Variants in WRNIP1 observed in about 807,000 individuals in gnomAD.
WRNIP1 encodes WRN helicase interacting protein 1, also known as ATPase WRNIP1.
WRNIP1 carries 41 observed loss-of-function variants against 56.1 expected under a neutral mutation model. The observed-to-expected ratio is 0.73, with a 90% CI of 0.57 to 0.95. The LOEUF is 0.95. Among genes scored for constraint, WRNIP1 ranks in the 40% least tolerant of loss-of-function variants. The probability of loss-of-function intolerance (pLI) is 0.00; values close to 1 mark genes in which losing one functional copy is unlikely to be tolerated. For synonymous variants in WRNIP1, 547 were observed against 398.1 expected (o/e 1.37, Z -4.45); for missense variants, 1,170 against 939.4 (o/e 1.25, Z -3.21).
chr6:2,765,489 C>T lies in WRNIP1; in HGVS notation c.-134C>T. ...CGTGAGGCATGAGCGGCGCCCTCCT[C>T]CGGCCCGCGAGCGTCCTGCTGGTTC... On this transcript the variant is annotated 5_prime_UTR_variant, in exon 1 of 7. Coordinates refer to ENST00000380773, the MANE Select transcript of WRNIP1 (RefSeq NM_020135.3). 6 of 1,168,174 alleles carry T rather than the reference C, an allele frequency of 5.1e-6. No homozygotes were observed. The highest frequency in any genetic ancestry group is 3.5e-5 in the East Asian group (1 of 28,284). The allele number at this position is 1,168,174 out of a possible 1,614,324, so 72.4% of individuals were successfully genotyped here. A position where few individuals can be genotyped will look rare whatever the true frequency, so the allele number is the denominator to read the frequency against.
chr6:2,773,205 G>C (rs1366527011), intron 3 of WRNIP1: 1 of 985,244 alleles, frequency 1.0e-6, no homozygotes, highest in Non-Finnish European at 1.2e-6. Flanking sequence ...ATTCCCTCCT[G>C]TAGTTATTAT....
chr6:2,769,516 A>G (rs1279669203), intron 2 of WRNIP1, among the ~76,000 whole-genome samples: 1 of 152,124 alleles, frequency 6.6e-6, no homozygotes, highest in East Asian at 1.9e-4. Flanking sequence ...TTTTTTTTGT[A>G]ACTTTTTAAT....
Position 2,766,175 on chromosome 6 carries a change from G to A in WRNIP1, c.553G>A (p.Asp185Asn). 6 of 1,346,536 alleles carry A rather than the reference G, an allele frequency of 4.5e-6. No individual in the cohort carries two copies. Among genetic ancestry groups the A allele is most frequent in the African/African-American group, 1.5e-5 (1 of 65,300 alleles). The allele number at this position is 1,346,536 out of a possible 1,614,324, so 83.4% of individuals were successfully genotyped here. Residue 185 changes from aspartate (D) to asparagine (N), a missense_variant, in exon 1 of 7, where the codon GAC becomes AAC. By Grantham distance (23) the Asp-to-Asn change is conservative. Transcript: ENST00000380773. Reference sequence around the variant, plus strand: ...GGACGCGGACGCGGACGGCGAGGACGACCCGGGGCACTGGGACGCGGACGC... The same window carrying A: ...GGACGCGGACGCGGACGGCGAGGACAACCCGGGGCACTGGGACGCGGACGC... ...DGDADADGEDDPGHWDADAAE... is the reference protein window; with the variant it reads ...DGDADADGEDNPGHWDADAAE...
chr6:2,776,065 A>G (rs1266645208), intron 3 of WRNIP1, among the ~76,000 whole-genome samples: 1 of 152,128 alleles, frequency 6.6e-6, no homozygotes, highest in East Asian at 1.9e-4. Context: ...GACTGGGAAC[A>G]CTCTTTCAAA....
Position 2,783,514 on chromosome 6 carries a change from C to A in WRNIP1, c.1595C>A (p.Pro532Gln). ...CGCATGCTCGAGGGAGGAGAGGACC[C>A]ACTCTACGTGGCACGGAGGCTTGTC... ...LARMLEGGED[P>Q]LYVARRLVRF... Residue 532 changes from proline to glutamine, a missense_variant, in exon 5 of 7, where the codon CCA becomes CAA. By Grantham distance (76) the Pro-to-Gln change is moderately conservative. Transcript: ENST00000380773. The A allele has an allele frequency of 6.2e-7, 1 of 1,613,856 alleles. No homozygotes were observed. The highest frequency in any genetic ancestry group is 8.5e-7 in the Non-Finnish European group (1 of 1,179,948).
intron 3 of WRNIP1, among the ~76,000 whole-genome samples, chr6:2,775,204 C>T (rs1422373905): frequency 6.6e-6 from 1 of 151,678 alleles, no homozygotes; most frequent in Admixed American, 6.6e-5. Flanking sequence ...ACCCACTGCT[C>T]GGTTTTTCTG....
chr6:2,776,690 C>A (rs1442279800), intron 3 of WRNIP1, among the ~76,000 whole-genome samples: 1 of 152,186 alleles, frequency 6.6e-6, no homozygotes, highest in African/African-American at 2.4e-5. Context: ...ATTAATAAGG[C>A]CTGCCTCCCT....
Position 2,779,354 on chromosome 6 carries a change from G to A in WRNIP1, c.1348G>A (p.Ala450Thr). 1 of 1,614,214 alleles carries A rather than the reference G, an allele frequency of 6.2e-7. No individual in the cohort carries two copies. Among genetic ancestry groups the A allele is most frequent in the Non-Finnish European group, 8.5e-7 (1 of 1,180,040 alleles). Reference protein sequence around the residue: ...ARAGLNGLQLAVLARLSSRKM... With the variant: ...ARAGLNGLQLTVLARLSSRKM... ...AGCTGGGTTGAACGGACTGCAGCTG[G>A]CGGTGCTGGCTAGGTTAAGCTCTAG... The change falls in exon 4 of 7, where the codon GCG (alanine) becomes ACG (threonine). Residue 450 changes from alanine to threonine, a missense_variant. Coordinates refer to ENST00000380773, the MANE Select transcript of WRNIP1 (RefSeq NM_020135.3).
Position 2,766,350 on chromosome 6 carries a change from G to T in WRNIP1, c.728G>T (p.Ser243Ile), listed in dbSNP as rs764139984. The T allele has an allele frequency of 6.2e-7, 1 of 1,610,388 alleles. No homozygotes were observed. Among genetic ancestry groups the T allele is most frequent in the Non-Finnish European group, 8.5e-7 (1 of 1,178,902 alleles). ...ACGCTGCAGGATTACTTCGGGCAGAGCAAGGCCGTGGGCCAGGATACCCTG... is the reference window on the plus strand; with the variant it reads ...ACGCTGCAGGATTACTTCGGGCAGATCAAGGCCGTGGGCCAGGATACCCTG... ...PDTLQDYFGQSKAVGQDTLLR... is the reference protein window; with the variant it reads ...PDTLQDYFGQIKAVGQDTLLR... Residue 243 changes from serine to isoleucine, a missense_variant, in exon 1 of 7, where the codon AGC becomes ATC. By Grantham distance (142) the Ser-to-Ile change is moderately radical. Coordinates refer to ENST00000380773, the MANE Select transcript of WRNIP1 (RefSeq NM_020135.3).
chr6:2,765,711 C>G lies in WRNIP1; in HGVS notation c.89C>G (p.Ala30Gly). The change falls in exon 1 of 7, where the codon GCG (alanine) becomes GGG (glycine). Residue 30 changes from alanine to glycine, a missense_variant. Physicochemically the swap from Ala to Gly is moderately conservative, Grantham distance 60. Coordinates refer to ENST00000380773, the MANE Select transcript of WRNIP1 (RefSeq NM_020135.3). Reference sequence around the variant, plus strand: ...GTGTGCCAGCAGATGATGCCCGCCGCGCACATCAACTCGCACCTGGACCGC... The same window carrying G: ...GTGTGCCAGCAGATGATGCCCGCCGGGCACATCAACTCGCACCTGGACCGC... ...CPVCQQMMPA[A>G]HINSHLDRCL... is the part of the protein sequence containing the mutation. 1 of 1,545,242 alleles carries G rather than the reference C, an allele frequency of 6.5e-7. No individual in the cohort carries two copies. The highest frequency in any genetic ancestry group is 8.7e-7 in the Non-Finnish European group (1 of 1,154,190).
At position 2,765,615 on chromosome 6, in the gene WRNIP1, C is replaced by T; in HGVS notation, c.-8C>T. On this transcript the variant is annotated 5_prime_UTR_variant, in exon 1 of 7. Coordinates refer to ENST00000380773, the MANE Select transcript of WRNIP1 (RefSeq NM_020135.3). ...CCGCGCCGGGCGCCGGGGAGGGCGGCGGCCGCCATGGAGGTGAGCGGGCCG... is the reference window on the plus strand; with the variant it reads ...CCGCGCCGGGCGCCGGGGAGGGCGGTGGCCGCCATGGAGGTGAGCGGGCCG... 2.0e-6 allele frequency: 3 copies of T among 1,511,918 alleles called. No individual in the cohort carries two copies. Among genetic ancestry groups the T allele is most frequent in the Non-Finnish European group, 2.6e-6 (3 of 1,138,440 alleles). The allele number at this position is 1,511,918 out of a possible 1,614,324, so 93.7% of individuals were successfully genotyped here.
intron 1 of WRNIP1, among the ~76,000 whole-genome samples, chr6:2,768,142 C>A (rs1039942937): frequency 6.6e-6 from 1 of 152,190 alleles, no homozygotes; most frequent in African/African-American, 2.4e-5. Context: ...CCCTTCATCT[C>A]CTACCAGAGT....
chr6:2,769,810 T>C (rs1341205180), intron 2 of WRNIP1, among the ~76,000 whole-genome samples: 1 of 152,228 alleles, frequency 6.6e-6, no homozygotes, highest in Non-Finnish European at 1.5e-5. Flanking sequence ...CAGCCTTTGG[T>C]AGAAGATGGT....
Position 2,785,125 on chromosome 6 carries a change from T to A in WRNIP1, c.1841T>A (p.Val614Glu). 1 of 1,614,190 alleles carries A rather than the reference T, an allele frequency of 6.2e-7. No homozygotes were observed. The highest frequency in any genetic ancestry group is 1.7e-4 in the Middle Eastern group (1 of 6,060). ...LRNHQGPLPP[V>E]PLHLRNAPTR... Reference sequence around the variant, plus strand: ...AACCACCAGGGGCCACTGCCCCCCGTGCCCCTGCACCTGAGGAACGCGCCC... The same window carrying A: ...AACCACCAGGGGCCACTGCCCCCCGAGCCCCTGCACCTGAGGAACGCGCCC... The change falls in exon 7 of 7, where the codon GTG (valine) becomes GAG (glutamate). Residue 614 changes from valine to glutamate, a missense_variant. Physicochemically the swap from Val to Glu is moderately radical, Grantham distance 121. Transcript: ENST00000380773.
Position 2,765,810 on chromosome 6 carries a change from G to A in WRNIP1, c.188G>A (p.Gly63Glu). ...GSHRAGERAK[G>E]PSPPGAKRRR... ...CACCGCGCCGGGGAGCGGGCCAAGG[G>A]GCCCTCGCCGCCCGGCGCCAAGAGG... The change falls in exon 1 of 7, where the codon GGG becomes GAG. Residue 63 changes from glycine (G) to glutamate (E), a missense_variant. Gly to Glu is a moderately conservative substitution (Grantham distance 98). Transcript: ENST00000380773. 2.9e-6 allele frequency: 4 copies of A among 1,358,082 alleles called. No individual in the cohort carries two copies. Among genetic ancestry groups the A allele is most frequent in the Non-Finnish European group, 3.8e-6 (4 of 1,060,780 alleles). 84.1% of individuals were successfully genotyped at this position (1,358,082 alleles called of 1,614,324 possible).
At position 2,770,440 on chromosome 6, in the gene WRNIP1, C is replaced by T. The variant is rs112477314; in HGVS notation, c.1256+79C>T. On this transcript the variant is annotated intron_variant, in intron 3 of 6. Coordinates refer to ENST00000380773, the MANE Select transcript of WRNIP1 (RefSeq NM_020135.3). ...TGGCAGGGGGCCAGAAAGGGCCGGG[C>T]GTCAGTGAGGAGAGGGTGGGGACAG... 770 of 1,571,788 alleles carry T rather than the reference C, an allele frequency of 4.9e-4. 2 individuals are homozygous for T. The African/African-American group carries it at 9.1e-3, about 19-fold the overall frequency.
Position 2,766,080 on chromosome 6 carries a change from C to T in WRNIP1, c.458C>T (p.Ser153Phe), listed in dbSNP as rs1338497246. The T allele has an allele frequency of 3.1e-6, 4 of 1,299,662 alleles. No homozygotes were observed. Among genetic ancestry groups the T allele is most frequent in the South Asian group, 2.3e-5 (1 of 42,750 alleles). The allele number at this position is 1,299,662 out of a possible 1,614,324, so 80.5% of individuals were successfully genotyped here. ...PAAAAAAGSASPRSWDEAEAQ... is the reference protein window; with the variant it reads ...PAAAAAAGSAFPRSWDEAEAQ... ...GCCGCCGCCGCGGCGGGGAGCGCGT[C>T]TCCGCGCAGCTGGGACGAGGCGGAG... is the stretch of plus-strand genomic sequence containing the variant. The change falls in exon 1 of 7, where the codon TCT becomes TTT. Residue 153 changes from serine (S) to phenylalanine (F), a missense_variant. Transcript: ENST00000380773.
chr6:2,766,883 T>C (rs943519312), intron 1 of WRNIP1, among the ~76,000 whole-genome samples: 4 of 152,170 alleles, frequency 2.6e-5, no homozygotes, highest in Admixed American at 6.5e-5. Flanking sequence ...AAAATCAAAT[T>C]AATTCTGTTG....
intron 3 of WRNIP1, 88 bp downstream of exon 3, chr6:2,770,449 G>GGA (rs1765231883): frequency 1.3e-6 from 2 of 1,546,274 alleles, no homozygotes; most frequent in Admixed American, 3.7e-5. Context: ...GCGTCAGTGA[G>GGA]GAGAGGGTGG....
Sources: gnomAD v4.1 joint callset for allele counts (sites outside exome capture counted in the v4.1 genomes callset) on GRCh38, gnomAD v4.1.1 for gene constraint, MANE v1.5 for transcripts, NCBI Gene and HGNC (gene_info 2026-07-23, HGNC 2026-07-21) for gene names.